Variants in ZMYM4 observed in about 807,000 individuals in gnomAD.
ZMYM4 encodes the protein zinc finger MYM-type containing 4.
Under a neutral mutation model 183.2 loss-of-function variants are expected in ZMYM4, and 31 were observed. That is an observed-to-expected ratio of 0.17 (90% CI 0.13 to 0.23). The LOEUF is 0.23. ZMYM4 is among the 10% of genes least tolerant of loss of function. The pLI is 1.00. For missense variants in ZMYM4, 1,273 were observed against 1,840.3 expected (o/e 0.69, Z 5.64); for synonymous variants, 592 against 631.2 (o/e 0.94, Z 0.93).
chr1:35,308,100 T>C (rs1443517947), intron 1 of ZMYM4, among the ~76,000 whole-genome samples: 1 of 152,106 alleles, frequency 6.6e-6, no homozygotes, highest in East Asian at 1.9e-4. Context: ...CAAGCAATTA[T>C]CCTGCCTCAG....
At chr1:35,284,227 C>T (rs983685055) in intron 1 of ZMYM4, among the ~76,000 whole-genome samples, 9 of 152,078 alleles carry the variant, frequency 5.9e-5, no homozygotes, top group Non-Finnish European at 5.9e-5. Flanking sequence ...CCACCTGCCT[C>T]GGCCTCCCAA....
chr1:35,410,351 C>G (rs1570549137), intron 26 of ZMYM4, among the ~76,000 whole-genome samples: 1 of 152,056 alleles, frequency 6.6e-6, no homozygotes, highest in African/African-American at 2.4e-5. Flanking sequence ...TATATATATT[C>G]TAGATATTAA....
At position 35,408,088 on chromosome 1, in the gene ZMYM4, G is replaced by A; in HGVS notation, c.3877G>A (p.Glu1293Lys). Reference sequence around the variant, plus strand: ...TTTGGGCTTATGCCAGTTTATCCAAGAGGTGCGGAGACCAAATGGTGAAAA... The same window carrying A: ...TTTGGGCTTATGCCAGTTTATCCAAAAGGTGCGGAGACCAAATGGTGAAAA... ...LSLGLCQFIQEVRRPNGEKYD... is the reference protein window; with the variant it reads ...LSLGLCQFIQKVRRPNGEKYD... Residue 1293 changes from glutamate (E) to lysine (K), a missense_variant, in exon 26 of 30, where the codon GAG (glutamate) becomes AAG (lysine). By Grantham distance (56) the Glu-to-Lys change is moderately conservative. Coordinates refer to ENST00000314607, the MANE Select transcript of ZMYM4 (RefSeq NM_005095.3). 6.2e-7 allele frequency: 1 copy of A among 1,614,218 alleles called. No homozygotes were observed.
At chr1:35,361,829 A>G in intron 5 of ZMYM4, 40 bp downstream of exon 5, 1 of 1,584,040 alleles carries the variant, frequency 6.3e-7, no homozygotes, top group Non-Finnish European at 8.6e-7. Context: ...TTTTTGTTCC[A>G]CACATTGAAT....
intron 1 of ZMYM4, among the ~76,000 whole-genome samples, chr1:35,303,101 A>C (rs1269486917): frequency 2.6e-5 from 4 of 151,434 alleles, no homozygotes; most frequent in Non-Finnish European, 5.9e-5. Context: ...CTGGCAAAAA[A>C]AAAAAAACAA....
intron 1 of ZMYM4, among the ~76,000 whole-genome samples, chr1:35,308,618 C>T (rs528562878): frequency 5.5e-4 from 83 of 152,216 alleles, no homozygotes; most frequent in African/African-American, 1.9e-3. Flanking sequence ...CCAGCTCTTT[C>T]GGAGGCCAAG....
intron 1 of ZMYM4, among the ~76,000 whole-genome samples, chr1:35,273,422 T>C (rs190891316): frequency 2.2e-4 from 34 of 152,360 alleles, no homozygotes; most frequent in Non-Finnish European, 4.3e-4. Flanking sequence ...ATGGCTATTA[T>C]AATAACCAGT....
intron 18 of ZMYM4, among the ~76,000 whole-genome samples, chr1:35,394,735 A>G (rs1233662516): frequency 6.6e-6 from 1 of 152,186 alleles, no homozygotes; most frequent in East Asian, 1.9e-4. Context: ...AAGAATTTAA[A>G]TGGCTGTTTT....
rs1640330205 is a variant in ZMYM4, at chr1:35,421,695, G to C, written c.*2018G>C. 1 of 152,132 alleles carries C rather than the reference G, an allele frequency of 6.6e-6. No homozygotes were observed. Among genetic ancestry groups the C allele is most frequent in the Admixed American group, 6.5e-5 (1 of 15,278 alleles). 9.4% of individuals were successfully genotyped at this position (152,132 alleles called of 1,614,324 possible). On this transcript the variant is annotated 3_prime_UTR_variant, in exon 30 of 30. Coordinates refer to ENST00000314607, the MANE Select transcript of ZMYM4 (RefSeq NM_005095.3). ...CAGAACCCTAAATTTATTCATAAGA[G>C]AAAATATTGATTAATTATTGGTCAT...
At chr1:35,408,743 A>T (rs1440947044) in intron 26 of ZMYM4, among the ~76,000 whole-genome samples, 1 of 152,210 alleles carries the variant, frequency 6.6e-6, no homozygotes, top group Non-Finnish European at 1.5e-5. Flanking sequence ...AACAAAAAAA[A>T]AGTAACTTGC....
chr1:35,402,610 C>A (rs1644929826), intron 23 of ZMYM4, among the ~76,000 whole-genome samples: 1 of 151,802 alleles, frequency 6.6e-6, no homozygotes, highest in Non-Finnish European at 1.5e-5. Context: ...CAGAGCGAGA[C>A]CCTGTCTCAA....
At chr1:35,308,687 C>T (rs1641660636) in intron 1 of ZMYM4, among the ~76,000 whole-genome samples, 1 of 152,090 alleles carries the variant, frequency 6.6e-6, no homozygotes, top group Admixed American at 6.5e-5. Context: ...ATGGCGAAAC[C>T]CTGTCTCTAC....
chr1:35,298,575 C>T (rs1641128283), intron 1 of ZMYM4, among the ~76,000 whole-genome samples: 1 of 152,096 alleles, frequency 6.6e-6, no homozygotes, highest in Non-Finnish European at 1.5e-5. Flanking sequence ...ACTACTCATG[C>T]GTGTGTGCCT....
chr1:35,314,071 A>G lies in ZMYM4; in HGVS notation c.40-11289A>G, dbSNP rs1641926985. 2.6e-5 allele frequency among the ~76,000 whole-genome samples: 4 copies of G among 152,198 alleles called. No individual in the cohort carries two copies. The South Asian group carries it at 8.3e-4, about 32-fold the overall frequency. ...ACCTTAAATAATTGAGAAAACTTTT[A>G]TTTGTTGTTTTAGTTATAAGTTTTA... On this transcript the variant is annotated intron_variant, in intron 1 of 29. Coordinates refer to ENST00000314607, the MANE Select transcript of ZMYM4 (RefSeq NM_005095.3).
In ZMYM4 at chr1:35,397,564, A is replaced by G. The variant is rs1644831257; in HGVS notation, c.3199+19A>G. On this transcript the variant is annotated intron_variant, in intron 20 of 29. Coordinates refer to ENST00000314607, the MANE Select transcript of ZMYM4 (RefSeq NM_005095.3). ...CAGGGAGGTTGGTATACTCTTTAAA[A>G]GTAAAGAAAGAAAAAACACGTTTTA... is the stretch of plus-strand genomic sequence containing the variant. The G allele has an allele frequency of 6.4e-7, 1 of 1,569,112 alleles. No homozygotes were observed. The highest frequency in any genetic ancestry group is 8.6e-7 in the Non-Finnish European group (1 of 1,163,286).
intron 1 of ZMYM4, among the ~76,000 whole-genome samples, chr1:35,275,485 C>G (rs1639827319): frequency 6.6e-6 from 1 of 152,140 alleles, no homozygotes; most frequent in South Asian, 2.1e-4. Flanking sequence ...CCTCAGCCTC[C>G]CAAAGTGCTG....
At chr1:35,283,915 T>TAGATTGTCTTTTC (rs1428328360) in intron 1 of ZMYM4, among the ~76,000 whole-genome samples, 1 of 152,148 alleles carries the variant, frequency 6.6e-6, no homozygotes, top group African/African-American at 2.4e-5. Flanking sequence ...TCCCATTCTG[T>TAGATTGTCTTTTC]AGATTGTCTT....
chr1:35,325,924 A>C (rs1642483051), intron 2 of ZMYM4, among the ~76,000 whole-genome samples: 1 of 152,182 alleles, frequency 6.6e-6, no homozygotes, highest in Non-Finnish European at 1.5e-5. Context: ...ATATAGCTAT[A>C]CATGGTGTAT....
intron 26 of ZMYM4, among the ~76,000 whole-genome samples, chr1:35,411,975 T>A (rs1041344991): frequency 6.6e-6 from 1 of 151,802 alleles, no homozygotes; most frequent in Non-Finnish European, 1.5e-5. Flanking sequence ...CTCCGCCTCC[T>A]GGGTTCAACG....
Sources: allele counts gnomAD v4.1 joint callset (sites outside exome capture counted in the v4.1 genomes callset), GRCh38; gene constraint gnomAD v4.1.1; transcripts MANE v1.5; gene names NCBI Gene and HGNC (gene_info 2026-07-23, HGNC 2026-07-21).